Variants in SUGP2 observed in about 807,000 individuals in gnomAD.
SUGP2 encodes SURP and G-patch domain containing 2.
SUGP2 carries 24 observed loss-of-function variants against 90.5 expected under a neutral mutation model. That is an observed-to-expected ratio of 0.27 (90% CI 0.19 to 0.37). SUGP2 has a LOEUF of 0.37. Among genes scored for constraint, SUGP2 ranks in the 10% least tolerant of loss-of-function variants. The pLI is 1.00. For missense variants in SUGP2, 1,233 were observed against 1,363.3 expected (o/e 0.90, Z 1.51); for synonymous variants, 473 against 513.4 (o/e 0.92, Z 1.06).
At chr19:19,020,465 A>G (rs759024070) in intron 3 of SUGP2, among the ~76,000 whole-genome samples, 1 of 145,858 alleles carries the variant, frequency 6.9e-6, no homozygotes, top group Non-Finnish European at 1.5e-5. Flanking sequence ...TTTTTTTGAG[A>G]TGGGGTCTCA....
chr19:19,029,531 C>A (rs1486921915), intron 2 of SUGP2, among the ~76,000 whole-genome samples: 1 of 150,032 alleles, frequency 6.7e-6, no homozygotes, highest in South Asian at 2.1e-4. Context: ...CTCCACCTCC[C>A]GGGTTCACGG....
chr19:19,022,375 G>GCTT (rs1435217647), intron 3 of SUGP2, among the ~76,000 whole-genome samples: 2 of 152,178 alleles, frequency 1.3e-5, no homozygotes, highest in African/African-American at 4.8e-5. Context: ...ATCCAGACAG[G>GCTT]GAACTGAGGC....
chr19:19,021,074 G>A (rs959276133), intron 3 of SUGP2, among the ~76,000 whole-genome samples: 3 of 138,104 alleles, frequency 2.2e-5, no homozygotes, highest in Non-Finnish European at 4.5e-5. Flanking sequence ...CAGGAGAATC[G>A]CTTGAACCTG....
chr19:18,998,506 A>C (rs2057699060), intron 8 of SUGP2, among the ~76,000 whole-genome samples: 1 of 152,144 alleles, frequency 6.6e-6, no homozygotes, highest in South Asian at 2.1e-4. Context: ...TTAGACTTGG[A>C]CCTTCAAAGG....
intron 7 of SUGP2, 119 bp downstream of exon 7, chr19:19,004,049 T>C: frequency 1.3e-6 from 1 of 763,008 alleles, no homozygotes; most frequent in Non-Finnish European, 2.1e-6. Context: ...GGCTCACATT[T>C]TGGAGTGGTG....
chr19:18,998,662 C>T (rs187985882), intron 8 of SUGP2, among the ~76,000 whole-genome samples: 2 of 151,384 alleles, frequency 1.3e-5, no homozygotes, highest in Admixed American at 6.6e-5. Flanking sequence ...TGTGTGTGTG[C>T]GTGAGTTACT....
At position 19,004,486 on chromosome 19, in the gene SUGP2, C is replaced by T. The variant is rs1221603859; in HGVS notation, c.2611G>A (p.Glu871Lys). Residue 871 changes from glutamate (E) to lysine (K), a missense_variant, in exon 7 of 11, where the codon GAA becomes AAA. Coordinates refer to ENST00000452918, the MANE Select transcript of SUGP2 (RefSeq NM_001017392.5). ...GGGGGCTCGTCTTCAAACTCTGCTT[C>T]CCCTTCCATGAGGTCCACGGGGCTC... ...QESPVDLMEG[E>K]AEFEDEPPPR... The T allele has an allele frequency of 1.9e-6, 3 of 1,614,250 alleles. No individual in the cohort carries two copies. In the African/African-American group the frequency reaches 4.0e-5, roughly 22 times the overall value.
At position 19,004,529 on chromosome 19, in the gene SUGP2, G is replaced by A. The variant is rs749403393; in HGVS notation, c.2568C>T (p.Asp856=). Residue 856 remains aspartate (D), a synonymous_variant, in exon 7 of 11, where the codon GAC becomes GAT. Coordinates refer to ENST00000452918, the MANE Select transcript of SUGP2 (RefSeq NM_001017392.5). ...CGGGGCTCTCCTGAGAACCCGTGGT[G>A]TCACCACCACCAGTGTGAAGGTTGT... The part of the protein sequence containing the change: ...SPHNLHTGGG[D]TTGSQESPVD... 7 of 1,614,248 alleles carry A rather than the reference G, an allele frequency of 4.3e-6. No individual in the cohort carries two copies. The East Asian group carries it at 1.6e-4, about 36-fold the overall frequency.
intron 4 of SUGP2, 102 bp downstream of exon 4, chr19:19,019,007 G>GCT: frequency 7.5e-7 from 1 of 1,330,142 alleles, no homozygotes; most frequent in Non-Finnish European, 1.0e-6. Flanking sequence ...AACACCACTT[G>GCT]CTCAAGTATC....
At position 19,025,556 on chromosome 19, in the gene SUGP2, T is replaced by C. The variant is rs760329056; in HGVS notation, c.792A>G (p.Lys264=). ...TCTGGATTTGGTTAGTGCCCTGAGTTTTGGGAGTAATACGATTCACGGTGG... is the reference window on the plus strand; with the variant it reads ...TCTGGATTTGGTTAGTGCCCTGAGTCTTGGGAGTAATACGATTCACGGTGG... ...KIPTVNRITP[K]TQGTNQIQKN... The change falls in exon 3 of 11, where the codon AAA becomes AAG. Residue 264 remains lysine (K), a synonymous_variant. Coordinates refer to ENST00000452918, the MANE Select transcript of SUGP2 (RefSeq NM_001017392.5). 141 of 1,613,936 alleles carry C rather than the reference T, an allele frequency of 8.7e-5. No homozygotes were observed. The highest frequency in any genetic ancestry group is 9.1e-5 in the Non-Finnish European group (107 of 1,180,018).
chr19:19,020,052 C>CAAA (rs1372384091), intron 3 of SUGP2, among the ~76,000 whole-genome samples: 8 of 121,138 alleles, frequency 6.6e-5, no homozygotes, highest in African/African-American at 2.6e-4. Flanking sequence ...GACTCCATCA[C>CAAA]AAAAAAAAAT....
chr19:19,020,671 C>A (rs1325698036), intron 3 of SUGP2, among the ~76,000 whole-genome samples: 3 of 151,638 alleles, frequency 2.0e-5, no homozygotes, highest in African/African-American at 7.3e-5. Flanking sequence ...TTCTTGGGCT[C>A]AAGAGATCCA....
At chr19:19,017,477 G>A (rs2058543719) in intron 4 of SUGP2, among the ~76,000 whole-genome samples, 1 of 152,198 alleles carries the variant, frequency 6.6e-6, no homozygotes, top group Non-Finnish European at 1.5e-5. Flanking sequence ...TCCAGCCTCA[G>A]TGCTGCAGCT....
intron 6 of SUGP2, among the ~76,000 whole-genome samples, chr19:19,005,483 G>T (rs1340459223): frequency 1.3e-5 from 2 of 152,020 alleles, no homozygotes; most frequent in Non-Finnish European, 2.9e-5. Context: ...AGGGGTTCCA[G>T]CCCCACCAAG....
rs143185881 is a variant in SUGP2, at chr19:18,999,851, C to G, written c.2991+1762G>C. On this transcript the variant is annotated intron_variant, in intron 8 of 10. Transcript: ENST00000452918. The stretch of plus-strand genomic sequence containing the variant: ...GAGTGTACCTGCCCCCTTTCCATAA[C>G]CTGGCTCCAGGTCAGTGAATGGCAG... Among the ~76,000 whole-genome samples, 906 of 152,310 alleles carry G rather than the reference C, an allele frequency of 5.9e-3. 9 individuals are homozygous for G. Among genetic ancestry groups the G allele is most frequent in the African/African-American group, 0.019 (790 of 41,562 alleles).
At chr19:19,001,395 T>C (rs1161258393) in intron 8 of SUGP2, among the ~76,000 whole-genome samples, 1 of 152,228 alleles carries the variant, frequency 6.6e-6, no homozygotes, top group Admixed American at 6.5e-5. Flanking sequence ...GGATCTCAAC[T>C]ATCCATTACA....
At position 19,004,568 on chromosome 19, in the gene SUGP2, G is replaced by C; in HGVS notation, c.2529C>G (p.Phe843Leu). The C allele has an allele frequency of 1.2e-6, 2 of 1,614,232 alleles. No individual in the cohort carries two copies. Among genetic ancestry groups the C allele is most frequent in the East Asian group, 2.2e-5 (1 of 44,890 alleles). ...TGTGAAGGTTGTGCGGAGATGACGTGAAACAAATTGATGGACATAGTTCAA... is the reference window on the plus strand; with the variant it reads ...TGTGAAGGTTGTGCGGAGATGACGTCAAACAAATTGATGGACATAGTTCAA... ...KVFELCPSIC[F>L]TSSPHNLHTG... The change falls in exon 7 of 11, where the codon TTC (phenylalanine) becomes TTG (leucine). Residue 843 changes from phenylalanine (F) to leucine (L), a missense_variant. By Grantham distance (22) the Phe-to-Leu change is conservative (BLOSUM62 0). Coordinates refer to ENST00000452918, the MANE Select transcript of SUGP2 (RefSeq NM_001017392.5).
intron 8 of SUGP2, among the ~76,000 whole-genome samples, chr19:18,998,027 G>A (rs1441463994): frequency 2.0e-5 from 3 of 152,120 alleles, no homozygotes; most frequent in Non-Finnish European, 4.4e-5. Context: ...AGAAGAGATG[G>A]AACATTAAAC....
chr19:19,008,024 C>T (rs1599457922), intron 6 of SUGP2, among the ~76,000 whole-genome samples: 1 of 152,160 alleles, frequency 6.6e-6, no homozygotes, highest in Non-Finnish European at 1.5e-5. Context: ...CTCCCTTAGG[C>T]CCCTGGCTCA....
Sources: allele counts gnomAD v4.1 joint callset (sites outside exome capture counted in the v4.1 genomes callset), GRCh38; gene constraint gnomAD v4.1.1; transcripts MANE v1.5; gene names NCBI Gene and HGNC (gene_info 2026-07-23, HGNC 2026-07-21).